The following STAB1 variants were observed in gnomAD, a reference collection of about 807,000 sequenced individuals.
STAB1 encodes the protein stabilin 1, also known as stabilin-1.
In STAB1, 250 loss-of-function variants were observed where a neutral mutation model predicts 332.4. The ratio of observed to expected loss-of-function variants is 0.75; its 90% CI spans 0.68 to 0.84. The LOEUF (loss-of-function observed/expected upper bound fraction) is 0.84, where lower values mean the gene tolerates loss of function less well. Ranked by LOEUF, STAB1 falls within the 40% of genes least tolerant of loss-of-function variation. The pLI is 0.00. For missense variants in STAB1, 3,249 were observed against 3,489.7 expected, an observed-to-expected ratio of 0.93 and a Z score of 1.74; for synonymous variants, 1,475 against 1,390.4, an observed-to-expected ratio of 1.06 and a Z score of -1.35.
chr3:52,521,641 G>T lies in STAB1; in HGVS notation c.6104G>T (p.Gly2035Val). Residue 2035 changes from glycine (G) to valine (V), a missense_variant, in exon 57 of 69, where the codon GGC (glycine) becomes GTC (valine). Coordinates refer to ENST00000321725, the MANE Select transcript of STAB1 (RefSeq NM_015136.3). ...GGCCGCTGTGATGAGGGCCTTGGGG[G>T]CTCTGGCTCCTGCTTCTGTGATGAA... ...VHGRCDEGLGGSGSCFCDEGW... is the reference protein window; with the variant it reads ...VHGRCDEGLGVSGSCFCDEGW... The T allele has an allele frequency of 6.2e-7, 1 of 1,613,122 alleles. No homozygotes were observed. Among genetic ancestry groups the T allele is most frequent in the Non-Finnish European group, 8.5e-7 (1 of 1,179,910 alleles).
At chr3:52,505,815 G>A in intron 15 of STAB1, 34 bp downstream of exon 15, 1 of 1,613,752 alleles carries the variant, frequency 6.2e-7, no homozygotes, top group Non-Finnish European at 8.5e-7. Flanking sequence ...TGCGGGTATG[G>A]GGGCACCAGG....
Position 52,524,330 on chromosome 3 carries a change from AC to A in STAB1, c.7690del (p.Gln2564ArgfsTer36), listed in dbSNP as rs960815835. On this transcript the variant is annotated frameshift_variant, in exon 69 of 69. Coordinates refer to ENST00000321725, the MANE Select transcript of STAB1 (RefSeq NM_015136.3). LOFTEE classifies it high-confidence loss of function. ...ACTGCTGGAGGAGGACTTCCCTGAC[AC>A]CCAGAGGATCCTCACAGTCAAGTGA... Reference protein sequence around the residue: ...DSLLEEDFPDTQRILTVK With the variant: ...DSLLEEDFPDXQRILTVK 6.2e-7 allele frequency: 1 copy of A among 1,613,670 alleles called. No individual in the cohort carries two copies. Among genetic ancestry groups the A allele is most frequent in the African/African-American group, 1.3e-5 (1 of 74,918 alleles).
At position 52,503,475 on chromosome 3, in the gene STAB1, T is replaced by C. The variant is rs1559674748; in HGVS notation, c.826T>C (p.Cys276Arg). The change falls in exon 8 of 69, where the codon TGC becomes CGC. Residue 276 changes from cysteine (C) to arginine (R), a missense_variant. Transcript: ENST00000321725. ...GATGGTGTGTCTGCCCAAGGACCCA[T>C]GCACTGACAACCTTGGTGGCTGCCC... is the stretch of plus-strand genomic sequence containing the variant. ...DGMVCLPKDP[C>R]TDNLGGCPSN... The C allele has an allele frequency of 6.2e-7, 1 of 1,613,658 alleles. No homozygotes were observed. The highest frequency in any genetic ancestry group is 8.5e-7 in the Non-Finnish European group (1 of 1,180,024).
At chr3:52,518,923 G>T in intron 48 of STAB1, 54 bp downstream of exon 48, 1 of 390,518 alleles carries the variant, frequency 2.6e-6, no homozygotes, top group Non-Finnish European at 3.6e-6. Flanking sequence ...CCGCCCCTGC[G>T]CGCCATTGCC....
In STAB1 at chr3:52,509,213, A is replaced by G. The variant is rs2153233397; in HGVS notation, c.2239A>G (p.Ser747Gly). Residue 747 changes from serine (S) to glycine (G), a missense_variant, in exon 22 of 69, where the codon AGT becomes GGT. Physicochemically the swap from Ser to Gly is moderately conservative, Grantham distance 56. Transcript: ENST00000321725. ...CTGCCTTCTGCTCACTCTCTAGTGC[A>G]GTGATGGGATCCAGGGCAATGGGGC... is the stretch of plus-strand genomic sequence containing the variant. ...SNPCYGKGNC[S>G]DGIQGNGACL... is the part of the protein sequence containing the mutation. 6.2e-7 allele frequency: 1 copy of G among 1,613,484 alleles called. No homozygotes were observed. Among genetic ancestry groups the G allele is most frequent in the African/African-American group, 1.3e-5 (1 of 75,072 alleles).
In STAB1 at chr3:52,513,898, C is replaced by T. The variant is rs770223308; in HGVS notation, c.3364C>T (p.Arg1122Ter). Residue 1122 changes from arginine (R) to a stop codon, truncating the protein, a stop_gained, in exon 32 of 69, where the codon CGA becomes TGA. Coordinates refer to ENST00000321725, the MANE Select transcript of STAB1 (RefSeq NM_015136.3). LOFTEE classifies it high-confidence loss of function. Reference sequence around the variant, plus strand: ...TCTGTACCAGGTCTTACTGCCCCCCCGAGGGGATGTGCCCGGTGGGCAGGG... The same window carrying T: ...TCTGTACCAGGTCTTACTGCCCCCCTGAGGGGATGTGCCCGGTGGGCAGGG... ...HILSQVLLPP[R>*]GDVPGGQGLL... 6.2e-6 allele frequency: 10 copies of T among 1,604,572 alleles called. No homozygotes were observed. The highest frequency in any genetic ancestry group is 2.2e-5 in the East Asian group (1 of 44,644).
chr3:52,522,965 C>G, intron 62 of STAB1, 25 bp downstream of exon 62: 1 of 1,607,404 alleles, frequency 6.2e-7, no homozygotes, highest in African/African-American at 1.3e-5. Context: ...CCAAACCCTA[C>G]TTCCCCTGCT....
chr3:52,503,305 G>A, intron 7 of STAB1, 39 bp from the exon 8 acceptor site: 1 of 1,573,634 alleles, frequency 6.4e-7, no homozygotes, highest in South Asian at 1.2e-5. Context: ...AGGGCTCCTG[G>A]GTGCTTGGCT....
chr3:52,513,072 G>T, intron 29 of STAB1, 58 bp from the exon 30 acceptor site: 2 of 1,554,700 alleles, frequency 1.3e-6, no homozygotes, highest in East Asian at 2.4e-5. Context: ...CAGCCCCAAA[G>T]GTCTCTGTAA....
In STAB1 at chr3:52,521,939, C is replaced by CGT. The variant is rs761167390; in HGVS notation, c.6266_6267dup (p.Thr2090ValfsTer23). The CGT allele has an allele frequency of 1.2e-6, 2 of 1,608,630 alleles. No homozygotes were observed. Among genetic ancestry groups the CGT allele is most frequent in the Non-Finnish European group, 1.7e-6 (2 of 1,176,548 alleles). ...CAGCCTGGGCTATGAAGGGGATGGC[C>CGT]GTGTGTGTACAGGTAAGCAGATGGG... On this transcript the variant is annotated frameshift_variant, in exon 58 of 69. Coordinates refer to ENST00000321725, the MANE Select transcript of STAB1 (RefSeq NM_015136.3). LOFTEE classifies it high-confidence loss of function.
rs1578362226 is a variant in STAB1 at position 52,503,554 on chromosome 3, C to T, written c.891+14C>T. 2 of 1,611,740 alleles carry T rather than the reference C, an allele frequency of 1.2e-6. No individual in the cohort carries two copies. Among genetic ancestry groups the T allele is most frequent in the Non-Finnish European group, 1.7e-6 (2 of 1,179,030 alleles). On this transcript the variant is annotated intron_variant, in intron 8 of 68. Coordinates refer to ENST00000321725, the MANE Select transcript of STAB1 (RefSeq NM_015136.3). ...AAGCCGGGCCAGGTGAGCCAGGGTC[C>T]CAGGCCGGAACTGTCCCCACAGTGC...
At position 52,522,191 on chromosome 3, in the gene STAB1, G is replaced by A; in HGVS notation, c.6426G>A (p.Gly2142=). ...ACCCCTGCACAGATGGCCACCGCGG[G>A]GGCTGCAGCGAGCACGCCAACTGCT... ...ARNPCTDGHR[G]GCSEHANCLS... is the part of the protein sequence containing the mutation. The change falls in exon 59 of 69, where the codon GGG becomes GGA. Residue 2142 remains glycine (G), a synonymous_variant. Transcript: ENST00000321725. 1 of 1,612,640 alleles carries A rather than the reference G, an allele frequency of 6.2e-7. No homozygotes were observed. The highest frequency in any genetic ancestry group is 8.5e-7 in the Non-Finnish European group (1 of 1,179,942).
Position 52,495,487 on chromosome 3 carries a change from G to C in STAB1, c.74G>C (p.Gly25Ala). ...CTGGCAGGCTTCAGCTTCGTCAGGG[G>C]GCAGGTAAGTGTGAGCCAGTCGCAG... ...FCLAGFSFVR[G>A]QVLFKGCDVK... Residue 25 changes from glycine (G) to alanine (A), a missense_variant, in exon 1 of 69, where the codon GGG (glycine) becomes GCG (alanine). Coordinates refer to ENST00000321725, the MANE Select transcript of STAB1 (RefSeq NM_015136.3). 1 of 1,341,270 alleles carries C rather than the reference G, an allele frequency of 7.5e-7. No homozygotes were observed. The highest frequency in any genetic ancestry group is 9.6e-7 in the Non-Finnish European group (1 of 1,038,680). 83.1% of individuals were successfully genotyped at this position (1,341,270 alleles called of 1,614,324 possible).
In STAB1 at chr3:52,518,299, C is replaced by T. The variant is rs1394969732; in HGVS notation, c.4762-13C>T. 1.2e-6 allele frequency: 2 copies of T among 1,612,392 alleles called. No individual in the cohort carries two copies. The highest frequency in any genetic ancestry group is 1.7e-5 in the Admixed American group (1 of 59,974). On this transcript the variant is annotated splice_polypyrimidine_tract_variant and intron_variant, in intron 45 of 68. Coordinates refer to ENST00000321725, the MANE Select transcript of STAB1 (RefSeq NM_015136.3). ...GGGCCGCCCCAAATCTGAGCTGACCCTCGCCCCCCCAGGAGCTCCTGAGGG... is the reference window on the plus strand; with the variant it reads ...GGGCCGCCCCAAATCTGAGCTGACCTTCGCCCCCCCAGGAGCTCCTGAGGG...
At chr3:52,517,779 T>C (rs2078923464) in intron 44 of STAB1, 102 bp from the exon 45 acceptor site, 1 of 1,588,924 alleles carries the variant, frequency 6.3e-7, no homozygotes, top group African/African-American at 1.4e-5. Context: ...AAATAGGATC[T>C]GGGGGGCTGA....
Position 52,503,109 on chromosome 3 carries a change from G to T in STAB1, c.694G>T (p.Ala232Ser). 1 of 1,583,188 alleles carries T rather than the reference G, an allele frequency of 6.3e-7. No individual in the cohort carries two copies. ...CACACAGCAGGGCAGTGAATGCCGA[G>T]GTGAGCCTGGACTCAGAGGCCAGGG... ...GYTQQGSECR[A>S]PNPCWPSPCS... Residue 232 changes from alanine to serine, a missense_variant and splice_region_variant, in exon 7 of 69, where the codon GCC (alanine) becomes TCC (serine). By Grantham distance (99) the Ala-to-Ser change is moderately conservative (BLOSUM62 1). Transcript: ENST00000321725.
chr3:52,505,940 C>A lies in STAB1; in HGVS notation c.1749+4C>A, dbSNP rs370361655. 6.2e-7 allele frequency: 1 copy of A among 1,613,552 alleles called. No homozygotes were observed. On this transcript the variant is annotated splice_donor_region_variant and intron_variant, in intron 16 of 68. Transcript: ENST00000321725. ...CCACATCTACAACCACGGCCAGGTG[C>A]GAGGTCTTTTTCTGGGGGGCGGCCA...
Position 52,524,407 on chromosome 3 carries a change from T to C in STAB1, c.*51T>C. Reference sequence around the variant, plus strand: ...ATGCACAGGGAGGAGACCACTTTTATTGCTTGTCTGGGTGGATGGGGCAGG... The same window carrying C: ...ATGCACAGGGAGGAGACCACTTTTACTGCTTGTCTGGGTGGATGGGGCAGG... On this transcript the variant is annotated 3_prime_UTR_variant, in exon 69 of 69. Transcript: ENST00000321725. 6.2e-7 allele frequency: 1 copy of C among 1,612,414 alleles called. No individual in the cohort carries two copies.
chr3:52,509,142 G>C (rs1709101267), intron 21 of STAB1, 68 bp from the exon 22 acceptor site: 1 of 1,406,778 alleles, frequency 7.1e-7, no homozygotes, highest in Non-Finnish European at 9.9e-7. Context: ...GAAAGGAGGG[G>C]GTGTTGGGAG....
Sources: gnomAD v4.1 joint callset for allele counts on GRCh38, gnomAD v4.1.1 for gene constraint, MANE v1.5 for transcripts, NCBI Gene and HGNC (gene_info 2026-07-23, HGNC 2026-07-21) for gene names.